The following GCLM variants were observed in gnomAD, a reference collection of about 807,000 sequenced individuals.
The protein encoded by GCLM is glutamate--cysteine ligase regulatory subunit.
GCLM carries 15 observed loss-of-function variants against 36.0 expected under a neutral mutation model. The ratio of observed to expected loss-of-function variants is 0.42; its 90% confidence interval spans 0.28 to 0.64. GCLM has a LOEUF of 0.64. GCLM is among the 30% of genes least tolerant of loss of function. The pLI is 0.25. For missense variants in GCLM, 242 were observed against 325.5 expected, an observed-to-expected ratio of 0.74 and a Z score of 1.97; for synonymous variants, 129 against 122.8, an observed-to-expected ratio of 1.05 and a Z score of -0.34.
chr1:93,895,088 C>T (rs550356099), intron 5 of GCLM, among the ~76,000 whole-genome samples: 3 of 148,742 alleles, frequency 2.0e-5, no homozygotes, highest in Non-Finnish European at 3.0e-5. Context: ...GATCTTGGCT[C>T]ACTGCAACCT....
At chr1:93,904,688 G>T in intron 1 of GCLM, 100 bp from the exon 2 acceptor site, 1 of 772,336 alleles carries the variant, frequency 1.3e-6, no homozygotes, top group Non-Finnish European at 2.2e-6. Context: ...GGAAAAAAAA[G>T]ATAGCAACAG....
Position 93,903,333 on chromosome 1 carries a change from CAG to C in GCLM, c.192+1188_192+1189del, listed in dbSNP as rs1026160494. On this transcript the variant is annotated intron_variant, in intron 2 of 6. Transcript: ENST00000370238. Reference sequence around the variant, plus strand: ...TTTTATTATTATTATTTTTTTGAGACAGAGTCTCACTCTCTTGCTCAGGCTAG... The same window carrying C: ...TTTTATTATTATTATTTTTTTGAGACAGTCTCACTCTCTTGCTCAGGCTAG... 2.1e-4 allele frequency among the ~76,000 whole-genome samples: 32 copies of C among 151,730 alleles called. 3 individuals are homozygous for C. Among genetic ancestry groups the C allele is most frequent in the East Asian group, 9.7e-4 (5 of 5,178 alleles).
At chr1:93,896,112 G>A (rs1367190828) in intron 5 of GCLM, among the ~76,000 whole-genome samples, 5 of 148,480 alleles carry the variant, frequency 3.4e-5, no homozygotes, top group African/African-American at 1.2e-4. Context: ...ACAGGTGCAC[G>A]CCACCATGCC....
intron 1 of GCLM, chr1:93,908,610 G>A (rs1657236455): frequency 6.5e-6 from 1 of 153,304 alleles, no homozygotes; most frequent in African/African-American, 2.4e-5. Context: ...GGTGTACTAT[G>A]AATACTACTT....
chr1:93,903,239 AT>A (rs1190500165), intron 2 of GCLM, among the ~76,000 whole-genome samples: 2 of 151,926 alleles, frequency 1.3e-5, no homozygotes, highest in African/African-American at 4.8e-5. Context: ...ATAATTGCTG[AT>A]TTTATGACAA....
rs948352652 is a variant in GCLM, at chr1:93,909,101, C to T, written c.63G>A (p.Gln21=). ...LLARARTLHL[Q]TGNLLNWGRL... ...GGCCCCAGTTCAGCAGGTTCCCCGT[C>T]TGCAGGTGCAGGGTGCGGGCCCGCG... Residue 21 remains glutamine (Q), a synonymous_variant, in exon 1 of 7, where the codon CAG becomes CAA. Transcript: ENST00000370238. The T allele has an allele frequency of 3.4e-6, 5 of 1,472,322 alleles. No homozygotes were observed. The highest frequency in any genetic ancestry group is 4.5e-6 in the Non-Finnish European group (5 of 1,116,936). 91.2% of individuals were successfully genotyped at this position (1,472,322 alleles called of 1,614,324 possible). A position where few individuals can be genotyped will look rare whatever the true frequency, so the allele number is the denominator to read the frequency against.
chr1:93,898,331 G>GAAAAAAAAAAAAAAA (rs1656814607), intron 3 of GCLM, among the ~76,000 whole-genome samples: 1 of 53,946 alleles, frequency 1.9e-5, no homozygotes, highest in African/African-American at 9.3e-5. Context: ...AAAAAAAAAG[G>GAAAAAAAAAAAAAAA]CCACAATTCT....
intron 5 of GCLM, among the ~76,000 whole-genome samples, 167 bp from the exon 6 acceptor site, chr1:93,894,895 T>C (rs1190214318): frequency 6.6e-6 from 1 of 152,086 alleles, no homozygotes; most frequent in African/African-American, 2.4e-5. Flanking sequence ...TATTAATATA[T>C]GCTTTTCTAA....
rs1656338347 is a variant in GCLM, at chr1:93,887,066, G to C, written c.*1924C>G. On this transcript the variant is annotated 3_prime_UTR_variant, in exon 7 of 7. Transcript: ENST00000370238. ...GCTGGAGTGCAATGGCGTGATCTCG[G>C]CTCACTGCAAACTCCGCCTCCCAGG... The C allele has an allele frequency of 6.7e-6, 1 of 149,486 alleles. No individual in the cohort carries two copies. Among genetic ancestry groups the C allele is most frequent in the Non-Finnish European group, 1.5e-5 (1 of 67,820 alleles). 9.3% of individuals were successfully genotyped at this position (149,486 alleles called of 1,614,324 possible).
At chr1:93,908,376 A>G (rs1657221709) in intron 1 of GCLM, among the ~76,000 whole-genome samples, 1 of 152,104 alleles carries the variant, frequency 6.6e-6, no homozygotes, top group Non-Finnish European at 1.5e-5. Context: ...ATTTGTACAT[A>G]TTTATGGGGC....
At chr1:93,894,576 C>T (rs771527985) in intron 6 of GCLM, 38 bp downstream of exon 6, 1 of 1,065,506 alleles carries the variant, frequency 9.4e-7, no homozygotes, top group South Asian at 1.3e-5. Flanking sequence ...AAGACAAAAG[C>T]TTATGATCAA....
rs551647187 is a variant in GCLM, at chr1:93,908,476, GA to G, written c.126+561del. 4.3e-3 allele frequency among the ~76,000 whole-genome samples: 658 copies of G among 152,318 alleles called. 5 individuals carry two copies. Among genetic ancestry groups the G allele is most frequent in the Non-Finnish European group, 7.7e-3 (523 of 68,018 alleles). ...CTGATAAAGCATACATAGACGCACA[GA>G]TAAGTGCATAAAATGTGTAATGACT... On this transcript the variant is annotated intron_variant, in intron 1 of 6. Transcript: ENST00000370238.
chr1:93,891,319 TCA>T (rs1165122278), intron 6 of GCLM, among the ~76,000 whole-genome samples: 1 of 152,158 alleles, frequency 6.6e-6, no homozygotes, highest in East Asian at 1.9e-4. Flanking sequence ...TCAAGCACAT[TCA>T]CACCTTGGAG....
chr1:93,896,329 AT>A (rs1410585330), intron 5 of GCLM, among the ~76,000 whole-genome samples: 1 of 152,116 alleles, frequency 6.6e-6, no homozygotes, highest in Non-Finnish European at 1.5e-5. Flanking sequence ...GCCTTAATTC[AT>A]TTGGTATAAA....
chr1:93,895,797 G>A (rs1340688473), intron 5 of GCLM, among the ~76,000 whole-genome samples: 1 of 152,040 alleles, frequency 6.6e-6, no homozygotes, highest in Non-Finnish European at 1.5e-5. Context: ...ACCAGAGAGT[G>A]GGAATAATTA....
intron 6 of GCLM, among the ~76,000 whole-genome samples, chr1:93,890,975 C>G (rs769056534): frequency 6.6e-6 from 1 of 151,470 alleles, no homozygotes; most frequent in African/African-American, 2.4e-5. Context: ...CTTCTGGGCT[C>G]AATGCATCCT....
In GCLM at chr1:93,894,810, C is replaced by A; in HGVS notation, c.541-82G>T. ...TAGAAAGCAATAAGCAATAAAATAACTTAATTTTAGAACATATGAAAAATC... is the reference window on the plus strand; with the variant it reads ...TAGAAAGCAATAAGCAATAAAATAAATTAATTTTAGAACATATGAAAAATC... On this transcript the variant is annotated intron_variant, in intron 5 of 6. Transcript: ENST00000370238. 3 of 694,506 alleles carry A rather than the reference C, an allele frequency of 4.3e-6. No homozygotes were observed. In the South Asian group the frequency reaches 5.1e-5, roughly 12 times the overall value. 43.0% of individuals were successfully genotyped at this position (694,506 alleles called of 1,614,324 possible).
chr1:93,899,738 G>C (rs892668900), intron 3 of GCLM, among the ~76,000 whole-genome samples: 1 of 151,932 alleles, frequency 6.6e-6, no homozygotes, highest in African/African-American at 2.4e-5. Context: ...TTAAAACTTA[G>C]TAGGTACAAT....
chr1:93,897,813 A>C (rs756481096), intron 4 of GCLM, 26 bp downstream of exon 4: 1 of 1,310,154 alleles, frequency 7.6e-7, no homozygotes. Context: ...TCCACTATTA[A>C]GATAAAAAAT....
Sources: allele counts gnomAD v4.1 joint callset (sites outside exome capture counted in the v4.1 genomes callset), GRCh38; gene constraint gnomAD v4.1.1; transcripts MANE v1.5; gene names NCBI Gene and HGNC (gene_info 2026-07-23, HGNC 2026-07-21).